INPP5A: variants seen among roughly 807,000 people sequenced by gnomAD.
INPP5A encodes the protein 43 kDa inositol polyphosphate 5-phophatase.
Under a neutral mutation model 65.2 loss-of-function variants are expected in INPP5A, and 14 were observed. The observed-to-expected ratio is 0.21, with a 90% CI of 0.14 to 0.34. The LOEUF is 0.34. INPP5A is among the 10% of genes least tolerant of loss of function. The pLI, the probability that INPP5A is intolerant of heterozygous loss-of-function variation, is 1.00. For missense variants in INPP5A, 431 were observed against 545.6 expected (o/e 0.79, Z 2.09); for synonymous variants, 207 against 208.3 (o/e 0.99, Z 0.05).
chr10:132,772,588 ACACT>A (rs1275550030), intron 12 of INPP5A, among the ~76,000 whole-genome samples: 1 of 105,084 alleles, frequency 9.5e-6, no homozygotes, highest in African/African-American at 3.6e-5. Context: ...AGTGGGACAG[ACACT>A]CAGCACTGAC....
intron 1 of INPP5A, among the ~76,000 whole-genome samples, chr10:132,597,532 T>C (rs2071718628): frequency 6.6e-6 from 1 of 152,258 alleles, no homozygotes; most frequent in Non-Finnish European, 1.5e-5. Flanking sequence ...AATTATATAA[T>C]TTCTTACACA....
intron 8 of INPP5A, among the ~76,000 whole-genome samples, chr10:132,716,200 C>G (rs1411181751): frequency 6.6e-6 from 1 of 152,234 alleles, no homozygotes; most frequent in African/African-American, 2.4e-5. Flanking sequence ...AAGAAACAAA[C>G]CATGTGGGCC....
intron 12 of INPP5A, among the ~76,000 whole-genome samples, chr10:132,777,388 C>T (rs1847082441): frequency 6.6e-6 from 1 of 152,134 alleles, no homozygotes; most frequent in East Asian, 1.9e-4. Flanking sequence ...TTCAAAAAAC[C>T]AACAAAAACC....
At chr10:132,725,937 C>T (rs922206173) in intron 8 of INPP5A, among the ~76,000 whole-genome samples, 2 of 152,010 alleles carry the variant, frequency 1.3e-5, no homozygotes, top group African/African-American at 4.8e-5. Flanking sequence ...GCCAATGCCA[C>T]GTTGCAAGGG....
chr10:132,758,778 C>G (rs61862838), intron 11 of INPP5A, among the ~76,000 whole-genome samples: 1 of 152,100 alleles, frequency 6.6e-6, no homozygotes. Flanking sequence ...TGTCTCCTCT[C>G]ATGAGGAGCA....
chr10:132,678,797 C>T lies in INPP5A; in HGVS notation c.307-11595C>T, dbSNP rs961730943. 1.2e-4 allele frequency among the ~76,000 whole-genome samples: 18 copies of T among 152,358 alleles called. No individual in the cohort carries two copies. Among genetic ancestry groups the T allele is most frequent in the South Asian group, 2.1e-4 (1 of 4,826 alleles). ...AAGGCTGGGGACTGGGACTGCCAAG[C>T]CTCTGCCCAGAGTAGCCAATCAAGA... On this transcript the variant is annotated intron_variant, in intron 4 of 15. Coordinates refer to ENST00000368594, the MANE Select transcript of INPP5A (RefSeq NM_005539.5). The surrounding 1 kb of genome is among the most constrained non-coding windows in gnomAD (Gnocchi z 4.1).
chr10:132,722,309 A>T (rs540878572), intron 8 of INPP5A, among the ~76,000 whole-genome samples: 1 of 152,222 alleles, frequency 6.6e-6, no homozygotes, highest in South Asian at 2.1e-4. Flanking sequence ...AGAAGGAAAA[A>T]AACCAACTCC....
intron 8 of INPP5A, among the ~76,000 whole-genome samples, chr10:132,723,942 A>T (rs562255026): frequency 6.6e-6 from 1 of 151,956 alleles, no homozygotes; most frequent in African/African-American, 2.4e-5. Context: ...GTTTAAGCAA[A>T]TCACACTAGA....
chr10:132,780,818 C>G (rs982562574), intron 13 of INPP5A, 31 bp from the exon 14 acceptor site: 18 of 1,604,300 alleles, frequency 1.1e-5, no homozygotes, highest in Non-Finnish European at 1.5e-5. Flanking sequence ...CCCCACCTCC[C>G]CACACTCACC....
At chr10:132,556,685 G>C (rs542843159) in intron 1 of INPP5A, among the ~76,000 whole-genome samples, 8 of 152,160 alleles carry the variant, frequency 5.3e-5, no homozygotes, top group Non-Finnish European at 1.0e-4. Flanking sequence ...GTTGTGGTCA[G>C]GCTTTAAAAT....
chr10:132,609,946 T>G (rs2071919869), intron 2 of INPP5A, among the ~76,000 whole-genome samples: 1 of 152,264 alleles, frequency 6.6e-6, no homozygotes, highest in African/African-American at 2.4e-5. Context: ...CTGGCCTGTC[T>G]GCCGCTTTTT....
At chr10:132,613,014 G>A (rs1012459051) in intron 2 of INPP5A, among the ~76,000 whole-genome samples, 3 of 152,194 alleles carry the variant, frequency 2.0e-5, no homozygotes, top group Non-Finnish European at 2.9e-5. Context: ...GCAGTCTTGG[G>A]GAGCAGGCGG....
rs73387012 is a variant in INPP5A at position 132,746,243 on chromosome 10, G to A, written c.733-3274G>A. On this transcript the variant is annotated intron_variant, in intron 9 of 15. Coordinates refer to ENST00000368594, the MANE Select transcript of INPP5A (RefSeq NM_005539.5). ...GCGAGGATTCATTTCAGAGAGTACA[G>A]AACAACTTTTTGTTTTTATAAACCA... Among the ~76,000 whole-genome samples the A allele has an allele frequency of 6.2e-3, 942 of 152,366 alleles. 3 individuals are homozygous for A. Among genetic ancestry groups the A allele is most frequent in the African/African-American group, 0.022 (905 of 41,586 alleles).
chr10:132,574,290 G>A (rs2071388367), intron 1 of INPP5A, among the ~76,000 whole-genome samples: 1 of 128,256 alleles, frequency 7.8e-6, no homozygotes, highest in Admixed American at 7.8e-5. Context: ...TGTGCGTGCC[G>A]TGGGAGGTTT....
At chr10:132,745,893 C>T (rs1472388310) in intron 9 of INPP5A, among the ~76,000 whole-genome samples, 2 of 152,168 alleles carry the variant, frequency 1.3e-5, no homozygotes, top group Non-Finnish European at 2.9e-5. Context: ...TGTGGTGGCC[C>T]CCGAGGAGGA....
At chr10:132,693,893 A>G (rs1845306685) in intron 5 of INPP5A, among the ~76,000 whole-genome samples, 1 of 152,210 alleles carries the variant, frequency 6.6e-6, no homozygotes, top group Non-Finnish European at 1.5e-5. Flanking sequence ...CAAACCAAGT[A>G]GAGCTGCCAA....
At chr10:132,556,575 T>C (rs2071130028) in intron 1 of INPP5A, among the ~76,000 whole-genome samples, 1 of 152,130 alleles carries the variant, frequency 6.6e-6, no homozygotes, top group Admixed American at 6.5e-5. Flanking sequence ...CATACATGCA[T>C]ACCACATAGG....
In INPP5A at chr10:132,549,374, C is replaced by T. The variant is rs538525523; in HGVS notation, c.75+11203C>T. Among the ~76,000 whole-genome samples, 9 of 152,340 alleles carry T rather than the reference C, an allele frequency of 5.9e-5. No individual in the cohort carries two copies. In the East Asian group the frequency reaches 1.5e-3, roughly 26 times the overall value. The stretch of plus-strand genomic sequence containing the variant: ...CTAGCTCTTCTGCATCATGCCAGCA[C>T]TTGGTGGCATTTGTCTTTTTAATTA... On this transcript the variant is annotated intron_variant, in intron 1 of 15. Transcript: ENST00000368594. The surrounding 1 kb of genome is among the most constrained non-coding windows in gnomAD (Gnocchi z 4.9).
chr10:132,678,936 C>G lies in INPP5A; in HGVS notation c.307-11456C>G, dbSNP rs2073006907. Among the ~76,000 whole-genome samples, 1 of 152,194 alleles carries G rather than the reference C, an allele frequency of 6.6e-6. No individual in the cohort carries two copies. Among genetic ancestry groups the G allele is most frequent in the African/African-American group, 2.4e-5 (1 of 41,452 alleles). Reference sequence around the variant, plus strand: ...TACCCTCCTGACAGAAGGGCGCAGCCTCCTCAGGCCCAGATGGCCAATGGG... The same window carrying G: ...TACCCTCCTGACAGAAGGGCGCAGCGTCCTCAGGCCCAGATGGCCAATGGG... On this transcript the variant is annotated intron_variant, in intron 4 of 15. Coordinates refer to ENST00000368594, the MANE Select transcript of INPP5A (RefSeq NM_005539.5). This position sits in a 1 kb window ranked among gnomAD's most constrained non-coding sequence, Gnocchi z 4.1.
Sources: gnomAD v4.1 joint callset for allele counts (sites outside exome capture counted in the v4.1 genomes callset) on GRCh38, gnomAD v4.1.1 for gene constraint, Gnocchi (gnomAD v3.1) non-coding constraint, MANE v1.5 for transcripts, NCBI Gene and HGNC (gene_info 2026-07-23, HGNC 2026-07-21) for gene names.